Variants in LRMDA observed in about 807,000 individuals in gnomAD.
LRMDA encodes the protein leucine-rich melanocyte differentiation-associated protein.
In LRMDA, 18 loss-of-function variants were observed where a neutral mutation model predicts 29.8. The observed-to-expected ratio is 0.60, with a 90% CI of 0.42 to 0.90. The LOEUF (loss-of-function observed/expected upper bound fraction) is 0.90, where lower values mean the gene tolerates loss of function less well. Among genes scored for constraint, LRMDA ranks in the 40% least tolerant of loss-of-function variants. The pLI is 0.00. For synonymous variants in LRMDA, 125 were observed against 109.4 expected (o/e 1.14, Z -0.89); for missense variants, 273 against 273.9 (o/e 1.00, Z 0.02).
intron 6 of LRMDA, chr10:76,465,075 T>C (rs1284681644): frequency 6.6e-6 from 1 of 152,142 alleles, no homozygotes; most frequent in Non-Finnish European, 1.5e-5. Context: ...AGGATTGAGG[T>C]AAGTCTATAT....
At position 76,179,239 on chromosome 10, in the gene LRMDA, G is replaced by C. The variant is rs562367460; in HGVS notation, c.516+120456G>C. 2.4e-4 allele frequency among the ~76,000 whole-genome samples: 37 copies of C among 152,194 alleles called. No homozygotes were observed. The East Asian group carries it at 2.7e-3, about 11-fold the overall frequency. ...AAAAGAATAGGATGCAATCAAGGAG[G>C]GGGGGGTGGTGGAGGAGTAGAGGAC... On this transcript the variant is annotated intron_variant, in intron 5 of 6. Coordinates refer to ENST00000611255, the MANE Select transcript of LRMDA (RefSeq NM_001305581.2).
At chr10:75,941,444 T>C (rs1846389914) in intron 2 of LRMDA, among the ~76,000 whole-genome samples, 1 of 152,208 alleles carries the variant, frequency 6.6e-6, no homozygotes, top group South Asian at 2.1e-4. Flanking sequence ...AAAGCTTTTA[T>C]CACCACTTTG....
chr10:75,740,266 G>A (rs1464201322), intron 2 of LRMDA, among the ~76,000 whole-genome samples: 1 of 152,194 alleles, frequency 6.6e-6, no homozygotes, highest in East Asian at 1.9e-4. Context: ...GCAGACCGAC[G>A]GGAGCTGGAG....
At chr10:76,033,544 C>T (rs1306978416) in intron 2 of LRMDA, among the ~76,000 whole-genome samples, 1 of 152,238 alleles carries the variant, frequency 6.6e-6, no homozygotes. Context: ...TTGCTTTATG[C>T]CTCCCTGGAG....
chr10:75,665,462 G>A (rs1717103908), intron 2 of LRMDA, among the ~76,000 whole-genome samples: 1 of 152,146 alleles, frequency 6.6e-6, no homozygotes, highest in Non-Finnish European at 1.5e-5. Flanking sequence ...TAGAACCATT[G>A]TAAGATATGG....
chr10:75,694,529 G>A (rs562526906), intron 2 of LRMDA, among the ~76,000 whole-genome samples: 1 of 152,300 alleles, frequency 6.6e-6, no homozygotes, highest in South Asian at 2.1e-4. Flanking sequence ...AGAGCAGCAT[G>A]TTGCCAACTT....
chr10:76,298,569 G>A (rs1243220750), intron 5 of LRMDA, among the ~76,000 whole-genome samples: 2 of 152,190 alleles, frequency 1.3e-5, no homozygotes, highest in Non-Finnish European at 2.9e-5. Context: ...TCACCACCAA[G>A]TACTTTCACA....
chr10:76,165,037 A>G (rs12784046), intron 5 of LRMDA, among the ~76,000 whole-genome samples: 25,012 of 152,152 alleles, frequency 0.16, 2,789 homozygotes, highest in East Asian at 0.52. Flanking sequence ...CAATGGCACA[A>G]TCTTGTTTCA....
intron 2 of LRMDA, among the ~76,000 whole-genome samples, chr10:75,594,662 G>T (rs1840764649): frequency 6.6e-6 from 1 of 152,188 alleles, no homozygotes; most frequent in Non-Finnish European, 1.5e-5. Context: ...TCCACTGAAT[G>T]ATTTGTTATT....
At chr10:76,129,674 C>T (rs564744549) in intron 5 of LRMDA, among the ~76,000 whole-genome samples, 2 of 152,142 alleles carry the variant, frequency 1.3e-5, no homozygotes, top group Non-Finnish European at 2.9e-5. Context: ...GAGTGGGCCT[C>T]TTCTCAGTGT....
At chr10:75,786,304 G>A (rs1404947192) in intron 2 of LRMDA, among the ~76,000 whole-genome samples, 1 of 152,112 alleles carries the variant, frequency 6.6e-6, no homozygotes, top group African/African-American at 2.4e-5. Context: ...CATTGTCCAG[G>A]AGCCAACAGT....
In LRMDA at chr10:76,186,665, C is replaced by T. The variant is rs868249699; in HGVS notation, c.516+127882C>T. Among the ~76,000 whole-genome samples the T allele has an allele frequency of 2.0e-5, 3 of 152,294 alleles. No homozygotes were observed. In the East Asian group the frequency reaches 5.8e-4, roughly 29 times the overall value. On this transcript the variant is annotated intron_variant, in intron 5 of 6. Transcript: ENST00000611255. Reference sequence around the variant, plus strand: ...AGCCAGAGAATACAGAGGCCCCATTCATTTTGTCGGTGCACATTTATTGGG... The same window carrying T: ...AGCCAGAGAATACAGAGGCCCCATTTATTTTGTCGGTGCACATTTATTGGG...
At chr10:76,455,956 C>T (rs1482436191) in intron 6 of LRMDA, among the ~76,000 whole-genome samples, 1 of 152,148 alleles carries the variant, frequency 6.6e-6, no homozygotes, top group Non-Finnish European at 1.5e-5. Flanking sequence ...GTGATTCCAA[C>T]TGTATGCACC....
At position 76,074,860 on chromosome 10, in the gene LRMDA, C is replaced by G. The variant is rs560564014; in HGVS notation, c.516+16077C>G. ...TGCTGTAACAAACAGTCCCAGATCC[C>G]GGTGGTTTAGTCAGTCTCCATTCAC... On this transcript the variant is annotated intron_variant, in intron 5 of 6. Transcript: ENST00000611255. Among the ~76,000 whole-genome samples, 11 of 152,218 alleles carry G rather than the reference C, an allele frequency of 7.2e-5. No homozygotes were observed. The East Asian group carries it at 1.9e-3, about 27-fold the overall frequency.
chr10:76,336,307 G>A (rs746724216), intron 6 of LRMDA, among the ~76,000 whole-genome samples: 1 of 152,216 alleles, frequency 6.6e-6, no homozygotes, highest in African/African-American at 2.4e-5. Context: ...ACTTGTGCAA[G>A]CACAGGGAGA....
At chr10:76,455,317 A>G (rs1842445992) in intron 6 of LRMDA, among the ~76,000 whole-genome samples, 2 of 152,214 alleles carry the variant, frequency 1.3e-5, no homozygotes, top group Non-Finnish European at 2.9e-5. Context: ...TTGAATTGGT[A>G]TGAAATTCTG....
intron 5 of LRMDA, among the ~76,000 whole-genome samples, chr10:76,173,724 C>T (rs1850880542): frequency 6.6e-6 from 1 of 152,022 alleles, no homozygotes; most frequent in Non-Finnish European, 1.5e-5. Context: ...GCAGTGGTGC[C>T]ATCTCGGCTC....
At chr10:75,852,830 G>A (rs149953395) in intron 2 of LRMDA, among the ~76,000 whole-genome samples, 100 of 152,202 alleles carry the variant, frequency 6.6e-4, no homozygotes, top group Non-Finnish European at 1.2e-3. Flanking sequence ...TCCATAGATG[G>A]GGGTTGTATT....
intron 2 of LRMDA, among the ~76,000 whole-genome samples, chr10:75,511,598 C>T (rs1166229567): frequency 6.6e-6 from 1 of 152,142 alleles, no homozygotes; most frequent in Non-Finnish European, 1.5e-5. Flanking sequence ...TTGTCCCCCA[C>T]CCCAAGATGA....
Sources: allele counts gnomAD v4.1 joint callset (sites outside exome capture counted in the v4.1 genomes callset), GRCh38; gene constraint gnomAD v4.1.1; transcripts MANE v1.5; gene names NCBI Gene and HGNC (gene_info 2026-07-23, HGNC 2026-07-21).